Variants in DSCAML1 observed in about 807,000 individuals in gnomAD.
DSCAML1 encodes the protein DS cell adhesion molecule like 1, also known as cell adhesion molecule DSCAML1.
A neutral mutation model predicts 200.5 loss-of-function variants in DSCAML1; 38 were observed. The ratio of observed to expected loss-of-function variants is 0.19; its 90% CI spans 0.15 to 0.25. The LOEUF is 0.25. Among genes scored for constraint, DSCAML1 ranks in the 10% least tolerant of loss-of-function variants. DSCAML1 has a pLI of 1.00. For synonymous variants in DSCAML1, 1,215 were observed against 1,165.0 expected (o/e 1.04, Z -0.87); for missense variants, 2,223 against 2,858.8 (o/e 0.78, Z 5.07).
At chr11:117,787,915 CTGAT>C (rs2055390183) in intron 1 of DSCAML1, among the ~76,000 whole-genome samples, 1 of 152,160 alleles carries the variant, frequency 6.6e-6, no homozygotes. Context: ...TGCCCTCACT[CTGAT>C]TGTTCTCATC....
intron 3 of DSCAML1, among the ~76,000 whole-genome samples, chr11:117,603,817 A>G (rs1320543427): frequency 6.6e-6 from 1 of 152,230 alleles, no homozygotes; most frequent in Non-Finnish European, 1.5e-5. Flanking sequence ...AATGATCTTG[A>G]AGATCAAGAT....
intron 6 of DSCAML1, among the ~76,000 whole-genome samples, chr11:117,519,059 C>T (rs2049837580): frequency 6.6e-6 from 1 of 152,194 alleles, no homozygotes; most frequent in African/African-American, 2.4e-5. Context: ...GGGATAATAG[C>T]AATCATGATT....
In DSCAML1 at chr11:117,516,969, AGAGTT is replaced by A. The variant is rs2049782755; in HGVS notation, c.1511-235_1511-231del. On this transcript the variant is annotated intron_variant, in intron 7 of 32. Transcript: ENST00000651296. This position sits in a 1 kb window ranked among gnomAD's most constrained non-coding sequence, Gnocchi z 5.7. Reference sequence around the variant, plus strand: ...CAGGACTCACTGTTACTAGCTTCAAAGAGTTGCAAACGGACGCAGTATATACATGC... The same window carrying A: ...CAGGACTCACTGTTACTAGCTTCAAAGCAAACGGACGCAGTATATACATGC... Among the ~76,000 whole-genome samples the A allele has an allele frequency of 6.6e-6, 1 of 152,184 alleles. No individual in the cohort carries two copies. The highest frequency in any genetic ancestry group is 1.5e-5 in the Non-Finnish European group (1 of 68,036).
chr11:117,691,684 T>C lies in DSCAML1; in HGVS notation c.511+85107A>G, dbSNP rs1205865259. ...ATAACATTTTATCTTGGACGACAAG[T>C]GTGTGTAATGTTGTTTAAAAGCCAT... On this transcript the variant is annotated intron_variant, in intron 3 of 32. Coordinates refer to ENST00000651296, the MANE Select transcript of DSCAML1 (RefSeq NM_020693.4). Among the ~76,000 whole-genome samples the C allele has an allele frequency of 2.0e-5, 3 of 152,142 alleles. No individual in the cohort carries two copies. In the East Asian group the frequency reaches 5.8e-4, roughly 29 times the overall value.
At chr11:117,661,070 G>A (rs1436677260) in intron 3 of DSCAML1, among the ~76,000 whole-genome samples, 1 of 152,142 alleles carries the variant, frequency 6.6e-6, no homozygotes, top group Non-Finnish European at 1.5e-5. Context: ...TAGAAATAGT[G>A]ACAAAAATGC....
At chr11:117,630,497 G>A (rs1022922875) in intron 3 of DSCAML1, among the ~76,000 whole-genome samples, 6 of 151,882 alleles carry the variant, frequency 4.0e-5, no homozygotes, top group Non-Finnish European at 7.4e-5. Context: ...AGGACCTGGC[G>A]GGCCTGTCTC....
At chr11:117,794,648 A>G (rs1215236371) in intron 1 of DSCAML1, among the ~76,000 whole-genome samples, 1 of 151,792 alleles carries the variant, frequency 6.6e-6, no homozygotes, top group African/African-American at 2.4e-5. Context: ...TCACATTTAC[A>G]TTTTCCTTGG....
chr11:117,813,391 C>A (rs2055776765), intron 1 of DSCAML1, among the ~76,000 whole-genome samples: 1 of 152,206 alleles, frequency 6.6e-6, no homozygotes. Context: ...CTCATACATG[C>A]CCTGCTCTTG....
At chr11:117,570,764 A>G (rs1193459151) in intron 3 of DSCAML1, among the ~76,000 whole-genome samples, 2 of 152,136 alleles carry the variant, frequency 1.3e-5, no homozygotes, top group Non-Finnish European at 2.9e-5. Context: ...AATTATGTCT[A>G]CCACTCAGGG....
At chr11:117,734,733 C>A (rs940918394) in intron 3 of DSCAML1, among the ~76,000 whole-genome samples, 4 of 152,174 alleles carry the variant, frequency 2.6e-5, no homozygotes, top group Non-Finnish European at 5.9e-5. Flanking sequence ...ATCTGCAGGG[C>A]CTGGTGCATA....
At chr11:117,714,967 TC>T (rs1447064912) in intron 3 of DSCAML1, among the ~76,000 whole-genome samples, 61 of 151,998 alleles carry the variant, frequency 4.0e-4, no homozygotes, top group Non-Finnish European at 8.1e-4. Flanking sequence ...TGGTGCCTAC[TC>T]TGCCATCCAC....
chr11:117,714,585 G>C (rs547403217), intron 3 of DSCAML1, among the ~76,000 whole-genome samples: 189 of 152,282 alleles, frequency 1.2e-3, no homozygotes, highest in Non-Finnish European at 2.1e-3. Context: ...GGGAGGCCGA[G>C]GCAGGTGATA....
chr11:117,531,572 T>A (rs1288244621), intron 4 of DSCAML1, among the ~76,000 whole-genome samples: 1 of 152,076 alleles, frequency 6.6e-6, no homozygotes, highest in African/African-American at 2.4e-5. Context: ...AAAAGATACA[T>A]ATGTACTCAT....
chr11:117,605,850 G>T (rs1353873137), intron 3 of DSCAML1, among the ~76,000 whole-genome samples: 1 of 152,048 alleles, frequency 6.6e-6, no homozygotes, highest in East Asian at 1.9e-4. Flanking sequence ...GGTGTGGGTG[G>T]GCAGAGTCAC....
intron 3 of DSCAML1, among the ~76,000 whole-genome samples, chr11:117,741,238 T>A (rs887513217): frequency 1.3e-5 from 2 of 152,226 alleles, no homozygotes; most frequent in Non-Finnish European, 2.9e-5. Context: ...ACCTACTGAT[T>A]CCTGGCCAGT....
At chr11:117,810,269 G>A (rs781766130) in intron 1 of DSCAML1, among the ~76,000 whole-genome samples, 5 of 151,292 alleles carry the variant, frequency 3.3e-5, no homozygotes, top group South Asian at 4.1e-4. Context: ...AAACTCCAGC[G>A]CCCTCTGGGG....
chr11:117,439,191 C>T (rs553901825), intron 23 of DSCAML1, 75 bp downstream of exon 23: 1 of 1,567,394 alleles, frequency 6.4e-7, no homozygotes, highest in Non-Finnish European at 8.7e-7. Flanking sequence ...TTCGATGACC[C>T]TCTCGCATGA....
At chr11:117,431,148 G>A (rs978117864) in intron 31 of DSCAML1, 115 bp from the exon 32 acceptor site, 6 of 1,050,246 alleles carry the variant, frequency 5.7e-6, no homozygotes, top group Non-Finnish European at 8.3e-6. Flanking sequence ...GCCATGGAGG[G>A]CACCAGGCTG....
intron 3 of DSCAML1, among the ~76,000 whole-genome samples, chr11:117,576,657 C>T (rs1160297900): frequency 1.3e-5 from 2 of 151,968 alleles, no homozygotes; most frequent in African/African-American, 4.8e-5. Flanking sequence ...CTGAATGCCT[C>T]ATACAACAGA....
Sources: allele counts gnomAD v4.1 joint callset (sites outside exome capture counted in the v4.1 genomes callset), GRCh38; gene constraint gnomAD v4.1.1; non-coding constraint Gnocchi (gnomAD v3.1); transcripts MANE v1.5; gene names NCBI Gene and HGNC (gene_info 2026-07-23, HGNC 2026-07-21).